The following ARFGEF1 variants were observed in gnomAD, a reference collection of about 807,000 sequenced individuals.
ARFGEF1 encodes the protein ARF guanine nucleotide exchange factor 1, also known as brefeldin A-inhibited guanine nucleotide-exchange protein 1.
ARFGEF1 carries 42 observed loss-of-function variants against 231.0 expected under a neutral mutation model. The ratio of observed to expected loss-of-function variants is 0.18; its 90% CI spans 0.14 to 0.24. The LOEUF is 0.24. Ranked by LOEUF, ARFGEF1 falls within the 10% of genes least tolerant of loss-of-function variation. The pLI is 1.00. For synonymous variants in ARFGEF1, 710 were observed against 732.3 expected, an observed-to-expected ratio of 0.97 and a Z score of 0.49; for missense variants, 1,345 against 2,192.0, an observed-to-expected ratio of 0.61 and a Z score of 7.72.
At chr8:67,301,121 G>C in intron 3 of ARFGEF1, 103 bp downstream of exon 3, 1 of 1,108,824 alleles carries the variant, frequency 9.0e-7, no homozygotes, top group Non-Finnish European at 1.2e-6. Flanking sequence ...ACAAAAAAGA[G>C]TATTCAAAGC....
chr8:67,341,588 C>G (rs1225122913), intron 1 of ARFGEF1, among the ~76,000 whole-genome samples: 1 of 152,000 alleles, frequency 6.6e-6, no homozygotes, highest in Non-Finnish European at 1.5e-5. Flanking sequence ...CAGAGCAAGC[C>G]CCTGTCTCAA....
chr8:67,290,359 G>C (rs1352589851), intron 6 of ARFGEF1, among the ~76,000 whole-genome samples: 1 of 152,030 alleles, frequency 6.6e-6, no homozygotes, highest in Non-Finnish European at 1.5e-5. Context: ...TTGGGTCTTA[G>C]TCCATGTTGT....
chr8:67,254,117 C>T (rs1482778486), intron 17 of ARFGEF1, among the ~76,000 whole-genome samples: 1 of 152,154 alleles, frequency 6.6e-6, no homozygotes, highest in Non-Finnish European at 1.5e-5. Flanking sequence ...ACTGTGGCAA[C>T]TGAATTATGT....
At chr8:67,260,046 T>A (rs1473878915) in intron 14 of ARFGEF1, 120 bp from the exon 15 acceptor site, 1 of 588,752 alleles carries the variant, frequency 1.7e-6, no homozygotes, top group Non-Finnish European at 3.0e-6. Context: ...TTAATACACA[T>A]CAGTACATGA....
chr8:67,207,944 GCCC>G (rs1838580774), intron 34 of ARFGEF1, among the ~76,000 whole-genome samples: 1 of 152,174 alleles, frequency 6.6e-6, no homozygotes, highest in South Asian at 2.1e-4. Flanking sequence ...CAGAGCCCTT[GCCC>G]CAGGAAAAAG....
At chr8:67,238,618 A>C in intron 21 of ARFGEF1, 117 bp downstream of exon 21, 2 of 1,427,572 alleles carry the variant, frequency 1.4e-6, no homozygotes, top group Non-Finnish European at 1.9e-6. Context: ...AGCTAAACGT[A>C]CTTATTCGAA....
At chr8:67,321,561 C>T (rs757959411) in intron 1 of ARFGEF1, among the ~76,000 whole-genome samples, 3 of 152,064 alleles carry the variant, frequency 2.0e-5, no homozygotes, top group South Asian at 2.1e-4. Flanking sequence ...CCCGGGTTCA[C>T]GCTATTCTCC....
intron 1 of ARFGEF1, among the ~76,000 whole-genome samples, chr8:67,339,393 T>A (rs1808494110): frequency 1.3e-5 from 2 of 152,038 alleles, no homozygotes. Context: ...TTGCAGAGTA[T>A]CTTCATAGAT....
At chr8:67,327,308 A>G (rs948092454) in intron 1 of ARFGEF1, among the ~76,000 whole-genome samples, 3 of 147,658 alleles carry the variant, frequency 2.0e-5, no homozygotes, top group Non-Finnish European at 3.0e-5. Context: ...AGACTCCTCG[A>G]TGACGTACGT....
At chr8:67,234,123 A>T (rs1168142414) in intron 22 of ARFGEF1, among the ~76,000 whole-genome samples, 1 of 152,118 alleles carries the variant, frequency 6.6e-6, no homozygotes, top group African/African-American at 2.4e-5. Context: ...GAGTGACCAA[A>T]CACTCAATAA....
chr8:67,193,577 A>T, downstream of ARFGEF1: 3 of 1,613,738 alleles, frequency 1.9e-6, no homozygotes, highest in Non-Finnish European at 2.5e-6. Context: ...GACTGAATGA[A>T]TTTCACAATA....
intron 1 of ARFGEF1, among the ~76,000 whole-genome samples, chr8:67,325,607 T>C (rs556808030): frequency 1.8e-4 from 28 of 152,294 alleles, no homozygotes; most frequent in Non-Finnish European, 2.6e-4. Context: ...CAGCTAGATG[T>C]TGAAGGCAAG....
At chr8:67,319,145 AT>A (rs1230498803) in intron 1 of ARFGEF1, among the ~76,000 whole-genome samples, 4 of 152,170 alleles carry the variant, frequency 2.6e-5, no homozygotes, top group Non-Finnish European at 2.9e-5. Context: ...AACAATAAAG[AT>A]TTCCCCAAAA....
intron 19 of ARFGEF1, among the ~76,000 whole-genome samples, chr8:67,244,396 C>A (rs1374005638): frequency 1.4e-5 from 2 of 146,802 alleles, no homozygotes; most frequent in African/African-American, 5.2e-5. Context: ...GTAACCTCCA[C>A]CTCCCAGGCT....
At chr8:67,281,692 C>T (rs535844640) in intron 7 of ARFGEF1, among the ~76,000 whole-genome samples, 1 of 151,688 alleles carries the variant, frequency 6.6e-6, no homozygotes, top group Non-Finnish European at 1.5e-5. Flanking sequence ...GAAAAAATAG[C>T]CAAATGAAAA....
Position 67,211,535 on chromosome 8 carries a change from C to T in ARFGEF1, c.4767G>A (p.Leu1589=). 1.9e-6 allele frequency: 3 copies of T among 1,594,500 alleles called. No homozygotes were observed. Among genetic ancestry groups the T allele is most frequent in the Non-Finnish European group, 2.6e-6 (3 of 1,171,630 alleles). The change falls in exon 34 of 39, where the codon CTG becomes CTA. Residue 1589 remains leucine, a synonymous_variant. Transcript: ENST00000262215. ...CTTCATTAACAGCAGACGCAGAAAC[C>T]AGTGGTGCTTGTGGTCTGTTATCCA... ...RSVDNRPQAP[L]VSASAVNEEV...
rs904021605 is a variant in ARFGEF1 at position 67,333,335 on chromosome 8, T to C, written c.124+9829A>G. On this transcript the variant is annotated intron_variant, in intron 1 of 38. Coordinates refer to ENST00000262215, the MANE Select transcript of ARFGEF1 (RefSeq NM_006421.5). ...AGCATGAGCCACCATGCCTGGCCTT[T>C]TTTTTTTTTTTTGAGACAGGGTTTC... 7.7e-5 allele frequency among the ~76,000 whole-genome samples: 6 copies of C among 77,520 alleles called. No individual in the cohort carries two copies. The East Asian group carries it at 2.5e-3, about 32-fold the overall frequency. 50.9% of individuals were successfully genotyped at this position (77,520 alleles called of 152,430 possible).
At chr8:67,253,847 T>C (rs998986719) in intron 17 of ARFGEF1, among the ~76,000 whole-genome samples, 1 of 152,142 alleles carries the variant, frequency 6.6e-6, no homozygotes, top group African/African-American at 2.4e-5. Flanking sequence ...GAGGTGGACA[T>C]GAGTAATGTG....
At chr8:67,213,274 A>G (rs1838813851) in intron 33 of ARFGEF1, among the ~76,000 whole-genome samples, 1 of 152,248 alleles carries the variant, frequency 6.6e-6, no homozygotes, top group South Asian at 2.1e-4. Context: ...CTGGCTTTAA[A>G]ATTCAAAGGT....
Sources: allele counts gnomAD v4.1 joint callset (sites outside exome capture counted in the v4.1 genomes callset), GRCh38; gene constraint gnomAD v4.1.1; transcripts MANE v1.5; gene names NCBI Gene and HGNC (gene_info 2026-07-23, HGNC 2026-07-21).